AGBL1: variants seen among roughly 807,000 people sequenced by gnomAD.
AGBL1 encodes AGBL carboxypeptidase 1.
AGBL1 carries 130 observed loss-of-function variants against 118.9 expected under a neutral mutation model. That is an observed-to-expected ratio of 1.09 (90% CI 0.95 to 1.26). The LOEUF (loss-of-function observed/expected upper bound fraction) is 1.26. Ranked by LOEUF, AGBL1 falls within the 50% of genes most tolerant of loss-of-function variation. The probability of loss-of-function intolerance (pLI) is 0.00; values close to 1 mark genes in which losing one functional copy is unlikely to be tolerated. For synonymous variants in AGBL1, 555 were observed against 478.9 expected (o/e 1.16, Z -2.08); for missense variants, 1,584 against 1,298.1 (o/e 1.22, Z -3.38).
intron 22 of AGBL1, among the ~76,000 whole-genome samples, chr15:86,815,638 G>A (rs76645887): frequency 6.6e-6 from 1 of 152,126 alleles, no homozygotes; most frequent in African/African-American, 2.4e-5. Context: ...CAGGAGATAA[G>A]TAGTACGGTT....
chr15:86,930,372 A>G (rs1402790904), intron 23 of AGBL1, among the ~76,000 whole-genome samples: 1 of 152,140 alleles, frequency 6.6e-6, no homozygotes, highest in East Asian at 1.9e-4. Context: ...ATAAGGGGTC[A>G]GCGTGAGGCA....
chr15:86,492,306 G>C (rs544922792), intron 18 of AGBL1, among the ~76,000 whole-genome samples: 10 of 152,124 alleles, frequency 6.6e-5, no homozygotes, highest in Non-Finnish European at 1.3e-4. Context: ...ACTATGAACA[G>C]AGAACTGCAA....
chr15:86,286,241 G>A (rs2079444727), intron 16 of AGBL1, among the ~76,000 whole-genome samples: 2 of 151,868 alleles, frequency 1.3e-5, no homozygotes, highest in South Asian at 2.1e-4. Context: ...AAATGAATAT[G>A]TTGCAGATCG....
chr15:86,193,047 AAAAT>A (rs1253509092), intron 5 of AGBL1, among the ~76,000 whole-genome samples: 1 of 152,226 alleles, frequency 6.6e-6, no homozygotes, highest in Non-Finnish European at 1.5e-5. Context: ...ATTTTTTAGA[AAAAT>A]AAATATAACT....
At chr15:86,263,522 C>A (rs1478042364) in intron 10 of AGBL1, among the ~76,000 whole-genome samples, 1 of 152,196 alleles carries the variant, frequency 6.6e-6, no homozygotes, top group Non-Finnish European at 1.5e-5. Context: ...GGTGCCCTGC[C>A]CCCATGCACT....
chr15:86,635,018 C>A (rs1348460016), intron 21 of AGBL1, among the ~76,000 whole-genome samples: 2 of 151,898 alleles, frequency 1.3e-5, no homozygotes, highest in African/African-American at 2.4e-5. Context: ...AAAATGAGGA[C>A]ATTCTGCATA....
At chr15:86,304,124 C>T (rs1179977574) in intron 17 of AGBL1, among the ~76,000 whole-genome samples, 2 of 152,142 alleles carry the variant, frequency 1.3e-5, no homozygotes, top group Non-Finnish European at 2.9e-5. Flanking sequence ...CTAGGCTCCT[C>T]CAATGGTCAT....
intron 1 of AGBL1, among the ~76,000 whole-genome samples, chr15:86,087,060 CA>C (rs996477784): frequency 1.3e-5 from 2 of 152,062 alleles, no homozygotes; most frequent in African/African-American, 2.4e-5. Context: ...ATGGTAGCTC[CA>C]AAACAAATAT....
At chr15:86,551,485 A>G (rs927032754) in intron 20 of AGBL1, among the ~76,000 whole-genome samples, 2 of 152,202 alleles carry the variant, frequency 1.3e-5, no homozygotes, top group Admixed American at 6.5e-5. Context: ...AGGAGAACAC[A>G]GACTACCAAA....
intron 22 of AGBL1, among the ~76,000 whole-genome samples, chr15:86,875,346 T>C (rs2079792305): frequency 6.6e-6 from 1 of 152,214 alleles, no homozygotes; most frequent in African/African-American, 2.4e-5. Flanking sequence ...CAGAACGTGG[T>C]TGACAAATGT....
intron 6 of AGBL1, among the ~76,000 whole-genome samples, chr15:86,232,333 C>T (rs1597595552): frequency 6.6e-6 from 1 of 152,206 alleles, no homozygotes; most frequent in African/African-American, 2.4e-5. Context: ...GTTCCTCTTC[C>T]GGCCATGTGG....
intron 18 of AGBL1, among the ~76,000 whole-genome samples, chr15:86,437,524 T>G (rs2082013450): frequency 6.6e-6 from 1 of 152,124 alleles, no homozygotes; most frequent in African/African-American, 2.4e-5. Flanking sequence ...AACCTTCAAT[T>G]CATTTTTTTT....
intron 23 of AGBL1, among the ~76,000 whole-genome samples, chr15:86,974,485 T>C (rs914364074): frequency 7.2e-6 from 1 of 138,150 alleles, no homozygotes; most frequent in Admixed American, 7.5e-5. Context: ...ATATTGAATA[T>C]AAACATATTT....
intron 21 of AGBL1, among the ~76,000 whole-genome samples, chr15:86,606,339 C>T (rs1328622505): frequency 1.3e-5 from 2 of 151,914 alleles, no homozygotes; most frequent in East Asian, 3.9e-4. Flanking sequence ...CAAGGACACT[C>T]AACAGTATAG....
chr15:86,274,993 C>T (rs562632737), intron 15 of AGBL1, among the ~76,000 whole-genome samples: 249 of 152,160 alleles, frequency 1.6e-3, no homozygotes, highest in African/African-American at 5.9e-3. Context: ...AAATGCCCCT[C>T]GAGAGGGAGG....
chr15:86,885,339 C>T (rs1223460225), intron 22 of AGBL1, among the ~76,000 whole-genome samples: 2 of 152,138 alleles, frequency 1.3e-5, no homozygotes, highest in Non-Finnish European at 2.9e-5. Context: ...GGGGTAACCT[C>T]CCTCTGAAGG....
At chr15:86,170,191 C>T (rs1341260709) in intron 5 of AGBL1, among the ~76,000 whole-genome samples, 1 of 152,100 alleles carries the variant, frequency 6.6e-6, no homozygotes, top group East Asian at 1.9e-4. Flanking sequence ...CCAAATTGAA[C>T]CTCTGGAGAT....
intron 22 of AGBL1, among the ~76,000 whole-genome samples, chr15:86,790,992 A>G (rs75902942): frequency 7.2e-5 from 11 of 152,216 alleles, no homozygotes; most frequent in Non-Finnish European, 1.2e-4. Flanking sequence ...GGAAAGATCA[A>G]TCTTTGTCAG....
chr15:86,846,990 A>T (rs1031021110), intron 22 of AGBL1, among the ~76,000 whole-genome samples: 42 of 152,138 alleles, frequency 2.8e-4, no homozygotes, highest in Non-Finnish European at 5.9e-5. Context: ...CAGATTAAAT[A>T]ATTTCTATTG....
Sources: allele counts gnomAD v4.1 joint callset (sites outside exome capture counted in the v4.1 genomes callset), GRCh38; gene constraint gnomAD v4.1.1; transcripts MANE v1.5; gene names NCBI Gene and HGNC (gene_info 2026-07-23, HGNC 2026-07-21).